NUDT13: variants seen among roughly 807,000 people sequenced by gnomAD.
NUDT13 encodes nudix hydrolase 13.
NUDT13 carries 40 observed loss-of-function variants against 41.7 expected under a neutral mutation model. That is an observed-to-expected ratio of 0.96 (90% CI 0.75 to 1.25). NUDT13 has a LOEUF of 1.25. Ranked by LOEUF, NUDT13 falls within the 50% of genes most tolerant of loss-of-function variation. The pLI is 0.00. For missense variants in NUDT13, 390 were observed against 416.1 expected, an observed-to-expected ratio of 0.94 and a Z score of 0.55; for synonymous variants, 145 against 155.5, an observed-to-expected ratio of 0.93 and a Z score of 0.50.
At chr10:73,126,362 C>A (rs1465920099) in intron 7 of NUDT13, among the ~76,000 whole-genome samples, 1 of 152,174 alleles carries the variant, frequency 6.6e-6, no homozygotes, top group Non-Finnish European at 1.5e-5. Context: ...TATTTATTTA[C>A]AGGTTGGTTT....
intron 7 of NUDT13, chr10:73,126,105 G>T: frequency 3.9e-6 from 1 of 257,736 alleles, no homozygotes; most frequent in Admixed American, 3.7e-5. Context: ...TTTGTAGGGA[G>T]GCCACAAGCT....
intron 4 of NUDT13, 128 bp from the exon 5 acceptor site, chr10:73,124,085 CG>C: frequency 1.6e-6 from 1 of 629,050 alleles, no homozygotes; most frequent in South Asian, 1.9e-5. Context: ...TACAGGCACA[CG>C]CCCCCCACAC....
At chr10:73,118,078 C>T (rs557430673) in intron 2 of NUDT13, among the ~76,000 whole-genome samples, 1 of 152,140 alleles carries the variant, frequency 6.6e-6, no homozygotes, top group Non-Finnish European at 1.5e-5. Context: ...CAGGTTGTAC[C>T]ACTCTTTCTG....
intron 7 of NUDT13, among the ~76,000 whole-genome samples, chr10:73,125,715 C>G (rs1009986646): frequency 6.7e-6 from 1 of 148,308 alleles, no homozygotes; most frequent in African/African-American, 2.6e-5. Flanking sequence ...ATGGGAGTCT[C>G]ACCCTGTTGC....
chr10:73,122,062 G>C, intron 3 of NUDT13, 113 bp from the exon 4 acceptor site: 1 of 1,256,314 alleles, frequency 8.0e-7, no homozygotes, highest in Non-Finnish European at 1.1e-6. Context: ...TGGAAGCCAA[G>C]TATACCCACT....
At chr10:73,126,494 G>C (rs1012514846) in intron 7 of NUDT13, 179 bp from the exon 8 acceptor site, 1 of 557,142 alleles carries the variant, frequency 1.8e-6, no homozygotes, top group Admixed American at 3.3e-5. Flanking sequence ...TAAGCACTGT[G>C]GTTCAACACA....
At position 73,125,172 on chromosome 10, in the gene NUDT13, C is replaced by A; in HGVS notation, c.520C>A (p.Gln174Lys). ...TCATCAGTTCTGCAGCAGAAGTGGG[C>A]AGCCCACCAAGAAGAACGTGGCTGG... ...DAHQFCSRSGQPTKKNVAGSK... is the reference protein window; with the variant it reads ...DAHQFCSRSGKPTKKNVAGSK... Residue 174 changes from glutamine to lysine, a missense_variant, in exon 6 of 9, where the codon CAG becomes AAG. Coordinates refer to ENST00000357321, the MANE Select transcript of NUDT13 (RefSeq NM_015901.6). The A allele has an allele frequency of 6.2e-7, 1 of 1,613,622 alleles. No homozygotes were observed. The highest frequency in any genetic ancestry group is 8.5e-7 in the Non-Finnish European group (1 of 1,179,906).
chr10:73,122,081 A>G, intron 3 of NUDT13, 94 bp from the exon 4 acceptor site: 2 of 1,405,940 alleles, frequency 1.4e-6, no homozygotes, highest in South Asian at 1.4e-5. Context: ...CTTTAAGCTG[A>G]AGTAGATGAT....
chr10:73,114,621 A>G (rs1482074500), intron 2 of NUDT13, among the ~76,000 whole-genome samples, 173 bp downstream of exon 2: 1 of 150,712 alleles, frequency 6.6e-6, no homozygotes, highest in Non-Finnish European at 1.5e-5. Flanking sequence ...TCATATATAT[A>G]TATATTCATC....
chr10:73,119,605 T>C (rs1660721765), intron 2 of NUDT13: 1 of 306,124 alleles, frequency 3.3e-6, no homozygotes, highest in South Asian at 1.2e-4. Context: ...CAGTGTAATA[T>C]TGGCAGAGTA....
At chr10:73,115,271 G>T (rs922305484) in intron 2 of NUDT13, 1 of 152,084 alleles carries the variant, frequency 6.6e-6, no homozygotes, top group African/African-American at 2.4e-5. Flanking sequence ...TGATCTCCTG[G>T]GGTCAAGCGA....
intron 8 of NUDT13, among the ~76,000 whole-genome samples, chr10:73,127,497 AATTT>A (rs1453619420): frequency 5.3e-5 from 8 of 151,914 alleles, no homozygotes; most frequent in African/African-American, 1.9e-4. Context: ...ATCACGAGAC[AATTT>A]ATTTTATTTT....
intron 3 of NUDT13, among the ~76,000 whole-genome samples, chr10:73,120,937 C>CA (rs11322928): frequency 0.028 from 2,854 of 101,588 alleles, 71 homozygotes; most frequent in African/African-American, 0.081. Flanking sequence ...GACTCCATCT[C>CA]AAAAAAAAAA....
chr10:73,121,785 C>T (rs977909942), intron 3 of NUDT13, among the ~76,000 whole-genome samples: 1 of 152,138 alleles, frequency 6.6e-6, no homozygotes, highest in Non-Finnish European at 1.5e-5. Context: ...TCCCAAACTC[C>T]TGGCCTCAAG....
At chr10:73,119,468 G>A in intron 2 of NUDT13, 1 of 984,314 alleles carries the variant, frequency 1.0e-6, no homozygotes, top group Non-Finnish European at 1.2e-6. Flanking sequence ...GAGGGTCACT[G>A]AAGATACAGT....
rs1842738970 is a variant in NUDT13 at position 73,125,149 on chromosome 10, A to G, written c.497A>G (p.His166Arg). 2 of 1,613,070 alleles carry G rather than the reference A, an allele frequency of 1.2e-6. No homozygotes were observed. The highest frequency in any genetic ancestry group is 2.7e-5 in the African/African-American group (2 of 74,814). ...GCTCTTCTCCGCTGGCATGATGCTC[A>G]TCAGTTCTGCAGCAGAAGTGGGCAG... Reference protein sequence around the residue: ...AQALLRWHDAHQFCSRSGQPT... With the variant: ...AQALLRWHDARQFCSRSGQPT... The change falls in exon 6 of 9, where the codon CAT (histidine) becomes CGT (arginine). Residue 166 changes from histidine (H) to arginine (R), a missense_variant. Physicochemically the swap from His to Arg is conservative, Grantham distance 29. Coordinates refer to ENST00000357321, the MANE Select transcript of NUDT13 (RefSeq NM_015901.6).
chr10:73,114,597 GTATA>G (rs1159342570), intron 2 of NUDT13, 149 bp downstream of exon 2: 2 of 235,140 alleles, frequency 8.5e-6, no homozygotes, highest in African/African-American at 4.7e-5. Context: ...GTGTGTGTGT[GTATA>G]TATATATATT....
At chr10:73,120,705 G>A (rs1478420427) in intron 3 of NUDT13, among the ~76,000 whole-genome samples, 1 of 152,142 alleles carries the variant, frequency 6.6e-6, no homozygotes, top group Non-Finnish European at 1.5e-5. Flanking sequence ...TTGGGAGGCC[G>A]AGGAGGGCAG....
chr10:73,128,936 G>A (rs1398613629), intron 8 of NUDT13, among the ~76,000 whole-genome samples: 5 of 152,164 alleles, frequency 3.3e-5, no homozygotes, highest in East Asian at 1.9e-4. Context: ...ATAACGGTCC[G>A]ATTTCATTCT....
Sources: allele counts gnomAD v4.1 joint callset (sites outside exome capture counted in the v4.1 genomes callset), GRCh38; gene constraint gnomAD v4.1.1; transcripts MANE v1.5; gene names NCBI Gene and HGNC (gene_info 2026-07-23, HGNC 2026-07-21).